Variants in GIPR observed in about 807,000 individuals in gnomAD.
GIPR encodes the protein GIP-R.
A neutral mutation model predicts 62.2 loss-of-function variants in GIPR; 74 were observed. The ratio of observed to expected loss-of-function variants is 1.19; its 90% CI spans 0.99 to 1.44. GIPR has a LOEUF of 1.44. Among genes scored for constraint, GIPR ranks in the 40% most tolerant of loss-of-function variants. The pLI is 0.00. For missense variants in GIPR, 664 were observed against 611.8 expected (o/e 1.09, Z -0.90); for synonymous variants, 256 against 262.2 (o/e 0.98, Z 0.23).
At chr19:45,677,268 G>T (rs1466728334) in intron 8 of GIPR, 55 bp from the exon 9 acceptor site, 4 of 1,403,494 alleles carry the variant, frequency 2.9e-6, no homozygotes, top group Non-Finnish European at 3.9e-6. Flanking sequence ...GGCGGGGCCC[G>T]TGAGCGCGCT....
chr19:45,669,954 G>A (rs374542232), intron 2 of GIPR, among the ~76,000 whole-genome samples: 1 of 117,190 alleles, frequency 8.5e-6, no homozygotes, highest in African/African-American at 3.1e-5. Flanking sequence ...GTCTCGGGGT[G>A]GGGGGGGGAG....
chr19:45,668,905 T>C (rs1004812684), intron 1 of GIPR, among the ~76,000 whole-genome samples: 8 of 152,190 alleles, frequency 5.3e-5, no homozygotes. Context: ...AAGGTCAGGT[T>C]CCTATGTGTG....
Position 45,674,069 on chromosome 19 carries a change from A to G in GIPR, c.385-5A>G, listed in dbSNP as rs1291794564. The G allele has an allele frequency of 5.0e-6, 8 of 1,592,782 alleles. No homozygotes were observed. In the Admixed American group the frequency reaches 8.3e-5, roughly 17 times the overall value. On this transcript the variant is annotated splice_region_variant and splice_polypyrimidine_tract_variant and intron_variant, in intron 5 of 13. Transcript: ENST00000590918. ...TTGTTCCCTTCCCCTTCTTGCCCCG[A>G]CCAGGACCAAAGGCTCATCTTGGAG...
intron 13 of GIPR, 39 bp downstream of exon 13, chr19:45,681,684 G>A (rs1484951891): frequency 6.2e-7 from 1 of 1,611,372 alleles, no homozygotes; most frequent in Non-Finnish European, 8.5e-7. Context: ...CCCTCTGGCG[G>A]CAGCGCGGGG....
Position 45,669,572 on chromosome 19 carries a change from C to A in GIPR, c.52C>A (p.Leu18Met). Residue 18 changes from leucine (L) to methionine (M), a missense_variant, in exon 2 of 14, where the codon CTG becomes ATG. By Grantham distance (15) the Leu-to-Met change is conservative. Coordinates refer to ENST00000590918, the MANE Select transcript of GIPR (RefSeq NM_000164.4). ...GCTGCTGCGGCTCTCACTGTGCGGGCTGCTGCTCCAGAGGGCGGAGGTGAG... is the reference window on the plus strand; with the variant it reads ...GCTGCTGCGGCTCTCACTGTGCGGGATGCTGCTCCAGAGGGCGGAGGTGAG... ...QLLLRLSLCGLLLQRAETGSK... is the reference protein window; with the variant it reads ...QLLLRLSLCGMLLQRAETGSK... 6.3e-7 allele frequency: 1 copy of A among 1,581,322 alleles called. No individual in the cohort carries two copies.
At chr19:45,677,884 C>G in intron 10 of GIPR, 22 bp from the exon 11 acceptor site, 1 of 1,610,840 alleles carries the variant, frequency 6.2e-7, no homozygotes, top group Non-Finnish European at 8.5e-7. Flanking sequence ...GCGGCTGGCT[C>G]AGCCCTTATC....
chr19:45,671,073 A>T (rs1443758798), intron 3 of GIPR, among the ~76,000 whole-genome samples: 2 of 150,236 alleles, frequency 1.3e-5, no homozygotes, highest in African/African-American at 4.9e-5. Context: ...TGGGGCCGGG[A>T]GGAGGGGCGG....
At chr19:45,681,527 A>C (rs1313567742) in intron 12 of GIPR, 77 bp from the exon 13 acceptor site, 1 of 1,147,612 alleles carries the variant, frequency 8.7e-7, no homozygotes, top group Admixed American at 1.9e-5. Context: ...AACAAACAAA[A>C]AACGGGGAGG....
At chr19:45,670,760 G>C in intron 3 of GIPR, 26 bp downstream of exon 3, 1 of 1,438,194 alleles carries the variant, frequency 7.0e-7, no homozygotes, top group Non-Finnish European at 9.7e-7. Flanking sequence ...CTGGGGACGC[G>C]GGGAGGACCT....
intron 6 of GIPR, 167 bp from the exon 7 acceptor site, chr19:45,674,515 G>T: frequency 2.9e-6 from 2 of 683,322 alleles, no homozygotes; most frequent in East Asian, 2.7e-5. Flanking sequence ...GCTGAGACAG[G>T]AGGATTGCTT....
chr19:45,674,910 C>T (rs1386411263), intron 7 of GIPR, 84 bp downstream of exon 7: 2 of 1,300,076 alleles, frequency 1.5e-6, no homozygotes, highest in South Asian at 1.2e-5. Flanking sequence ...TTCCTATCTC[C>T]TACACTCTCC....
chr19:45,674,269 A>C, intron 6 of GIPR, 92 bp downstream of exon 6: 1 of 852,312 alleles, frequency 1.2e-6, no homozygotes, highest in Non-Finnish European at 2.0e-6. Flanking sequence ...CACCAGGTCC[A>C]GCTATCCACT....
At position 45,674,082 on chromosome 19, in the gene GIPR, G is replaced by T. The variant is rs146908284; in HGVS notation, c.393G>T (p.Arg131Ser). 178 of 1,608,278 alleles carry T rather than the reference G, an allele frequency of 1.1e-4. No individual in the cohort carries two copies. The African/African-American group carries it at 1.7e-3, about 16-fold the overall frequency. Reference protein sequence around the residue: ...PEKNEAFLDQRLILERLQVMY... With the variant: ...PEKNEAFLDQSLILERLQVMY... ...CTTCTTGCCCCGACCAGGACCAAAG[G>T]CTCATCTTGGAGCGGTTGCAGGTCA... Residue 131 changes from arginine (R) to serine (S), a missense_variant, in exon 6 of 14, where the codon AGG (arginine) becomes AGT (serine). Physicochemically the swap from Arg to Ser is moderately radical, Grantham distance 110. Transcript: ENST00000590918.
intron 9 of GIPR, 147 bp from the exon 10 acceptor site, chr19:45,677,563 G>T: frequency 1.2e-6 from 1 of 842,610 alleles, no homozygotes. Flanking sequence ...GGCAAGGGGA[G>T]GGGGTGGGGC....
rs869190523 is a variant in GIPR, at chr19:45,676,426, A to ATTTTT, written c.634-502_634-498dup. 2.1e-3 allele frequency among the ~76,000 whole-genome samples: 155 copies of ATTTTT among 73,718 alleles called. 5 individuals are homozygous for ATTTTT. The highest frequency in any genetic ancestry group is 2.6e-3 in the African/African-American group (46 of 17,690). The allele number at this position is 73,718 out of a possible 152,430, so 48.4% of individuals were successfully genotyped here. On this transcript the variant is annotated intron_variant, in intron 7 of 13. Coordinates refer to ENST00000590918, the MANE Select transcript of GIPR (RefSeq NM_000164.4). ...AGATGGAGTCTCAAAAAAGAAGCTGATTTTTTTTTTTTTTTTTTTTTTTTT... is the reference window on the plus strand; with the variant it reads ...AGATGGAGTCTCAAAAAAGAAGCTGATTTTTTTTTTTTTTTTTTTTTTTTTTTTTT...
At position 45,681,873 on chromosome 19, in the gene GIPR, T is replaced by A. The variant is rs199871847; in HGVS notation, c.1339T>A (p.Ser447Thr). 61 of 1,555,544 alleles carry A rather than the reference T, an allele frequency of 3.9e-5. No individual in the cohort carries two copies. The African/African-American group carries it at 7.7e-4, about 20-fold the overall frequency. ...PGEVPTSRGL[S>T]SGTLPGPGNE... ...CGAGGTCCCCACCAGCCGCGGCTTG[T>A]CCTCGGGGACCCTCCCAGGGCCTGG... The change falls in exon 14 of 14, where the codon TCC becomes ACC. Residue 447 changes from serine (S) to threonine (T), a missense_variant. Ser to Thr is a moderately conservative substitution (Grantham distance 58). Transcript: ENST00000590918.
chr19:45,682,988 AG>A lies in GIPR; in HGVS notation c.*1057del, dbSNP rs1455904939. 1 of 152,668 alleles carries A rather than the reference AG, an allele frequency of 6.6e-6. No individual in the cohort carries two copies. Among genetic ancestry groups the A allele is most frequent in the Non-Finnish European group, 1.5e-5 (1 of 68,306 alleles). 9.5% of individuals were successfully genotyped at this position (152,668 alleles called of 1,614,324 possible). ...GGCTGGACCAGGATGGAGGCCACTG[AG>A]GGGTATGAAGCAGTCGGATTTGAAG... On this transcript the variant is annotated 3_prime_UTR_variant, in exon 14 of 14. Coordinates refer to ENST00000590918, the MANE Select transcript of GIPR (RefSeq NM_000164.4).
chr19:45,671,514 C>T, intron 4 of GIPR, 122 bp downstream of exon 4: 1 of 711,858 alleles, frequency 1.4e-6, no homozygotes, highest in East Asian at 2.7e-5. Flanking sequence ...CTCTTTGCCC[C>T]CTACTCCTTT....
chr19:45,681,525 A>G, intron 12 of GIPR, 79 bp from the exon 13 acceptor site: 4 of 1,232,786 alleles, frequency 3.2e-6, no homozygotes, highest in Non-Finnish European at 4.8e-6. Flanking sequence ...CAAACAAACA[A>G]AAAACGGGGA....
Sources: gnomAD v4.1 joint callset for allele counts (sites outside exome capture counted in the v4.1 genomes callset) on GRCh38, gnomAD v4.1.1 for gene constraint, MANE v1.5 for transcripts, NCBI Gene and HGNC (gene_info 2026-07-23, HGNC 2026-07-21) for gene names.